RGSL1: variants seen among roughly 807,000 people sequenced by gnomAD.
RGSL1 encodes the protein regulator of G protein signaling like 1, also known as regulator of G protein signaling protein-like.
Under a neutral mutation model 124.7 loss-of-function variants are expected in RGSL1, and 97 were observed. The observed-to-expected ratio is 0.78, with a 90% CI of 0.66 to 0.92. The LOEUF is 0.92. RGSL1 is among the 40% of genes least tolerant of loss of function. The pLI is 0.00. For synonymous variants in RGSL1, 424 were observed against 438.1 expected (o/e 0.97, Z 0.40); for missense variants, 1,233 against 1,288.4 (o/e 0.96, Z 0.66).
intron 4 of RGSL1, 50 bp from the exon 5 acceptor site, chr1:182,472,346 A>T: frequency 6.7e-7 from 1 of 1,484,870 alleles, no homozygotes; most frequent in Non-Finnish European, 9.0e-7. Context: ...GCAACCACCA[A>T]AGGGGCAAAA....
At chr1:182,484,940 T>G (rs978201834) in intron 6 of RGSL1, among the ~76,000 whole-genome samples, 2 of 152,136 alleles carry the variant, frequency 1.3e-5, no homozygotes, top group Non-Finnish European at 2.9e-5. Flanking sequence ...TGCTTGCCCC[T>G]GGAGCAAGAC....
chr1:182,477,954 T>G (rs1383274517), intron 6 of RGSL1, among the ~76,000 whole-genome samples: 1 of 152,102 alleles, frequency 6.6e-6, no homozygotes, highest in Non-Finnish European at 1.5e-5. Flanking sequence ...CAAAGGAAAT[T>G]AATAACATTT....
chr1:182,508,672 GTTT>G (rs869237122), intron 9 of RGSL1, among the ~76,000 whole-genome samples: 18 of 13,996 alleles, frequency 1.3e-3, no homozygotes, highest in African/African-American at 2.3e-3. Flanking sequence ...TTGACTATTT[GTTT>G]TTTTTTTTTT....
intron 21 of RGSL1, among the ~76,000 whole-genome samples, chr1:182,558,246 TA>T (rs1375277891): frequency 6.6e-6 from 1 of 151,884 alleles, no homozygotes; most frequent in African/African-American, 2.4e-5. Context: ...CTAGTTTGAA[TA>T]AAAAATATGG....
chr1:182,493,463 ATGTT>A (rs1285956232), intron 9 of RGSL1, among the ~76,000 whole-genome samples: 1 of 152,030 alleles, frequency 6.6e-6, no homozygotes, highest in Non-Finnish European at 1.5e-5. Flanking sequence ...TTGTGAAGGG[ATGTT>A]TGTTAAGGAG....
Position 182,474,394 on chromosome 1 carries a change from TG to T in RGSL1, c.1286del (p.Gly429ValfsTer9), listed in dbSNP as rs1654118119. 6.4e-7 allele frequency: 1 copy of T among 1,551,936 alleles called. No individual in the cohort carries two copies. The highest frequency in any genetic ancestry group is 8.7e-7 in the Non-Finnish European group (1 of 1,147,040). ...GGGAATGCAATCTTTCGTCACTTGC[TG>T]GGTGACAGAATCTGCGAGCTCTACC... ...KNGNAIFRHL[L>X]GDRICELYLN... is the part of the protein sequence containing the mutation. On this transcript the variant is annotated frameshift_variant, in exon 6 of 22. Transcript: ENST00000294854. LOFTEE classifies it high-confidence loss of function.
chr1:182,460,134 G>A lies in RGSL1; in HGVS notation c.301+1G>A, dbSNP rs549854306. On this transcript the variant is annotated splice_donor_variant, in intron 4 of 21. Coordinates refer to ENST00000294854, the MANE Select transcript of RGSL1 (RefSeq NM_001137669.2). LOFTEE classifies it high-confidence loss of function. ...AGTTTCATTAAGTCCCCAGAAGGAG[G>A]TAAGCATTGGTGTGCATGCGTGTGT... 1.6e-4 allele frequency: 249 copies of A among 1,548,378 alleles called. 1 individual carries two copies. The highest frequency in any genetic ancestry group is 3.5e-6 in the Non-Finnish European group (4 of 1,146,252).
chr1:182,449,532 T>C (rs1333796761), upstream of RGSL1, among the ~76,000 whole-genome samples: 1 of 152,162 alleles, frequency 6.6e-6, no homozygotes, highest in Non-Finnish European at 1.5e-5. Context: ...TTACTTCCTA[T>C]TAGGGAAGAA....
chr1:182,503,469 G>A (rs1656555332), intron 9 of RGSL1, among the ~76,000 whole-genome samples: 1 of 151,956 alleles, frequency 6.6e-6, no homozygotes, highest in Admixed American at 6.6e-5. Context: ...AAATAAGCCA[G>A]GCACAGAAAG....
At chr1:182,558,474 A>G (rs144848041) in intron 21 of RGSL1, among the ~76,000 whole-genome samples, 8 of 152,318 alleles carry the variant, frequency 5.3e-5, no homozygotes, top group African/African-American at 1.9e-4. Flanking sequence ...CTGGGACTCA[A>G]GCTAACATCA....
intron 20 of RGSL1, 120 bp downstream of exon 20, chr1:182,554,813 G>C (rs1660771195): frequency 1.0e-6 from 1 of 987,836 alleles, no homozygotes; most frequent in African/African-American, 1.6e-5. Flanking sequence ...TTGGCATGCA[G>C]AACCTAGAAA....
rs1025815693 is a variant in RGSL1, at chr1:182,486,700, C to T, written c.1432-1585C>T. 2.0e-5 allele frequency among the ~76,000 whole-genome samples: 3 copies of T among 151,666 alleles called. No individual in the cohort carries two copies. The East Asian group carries it at 5.8e-4, about 29-fold the overall frequency. On this transcript the variant is annotated intron_variant, in intron 6 of 21. Coordinates refer to ENST00000294854, the MANE Select transcript of RGSL1 (RefSeq NM_001137669.2). ...CTTATTTATTTATTTTTTGAGACGG[C>T]GTTTCATTCTTGTCGCCCAGGCTGG... is the stretch of plus-strand genomic sequence containing the variant.
Position 182,498,346 on chromosome 1 carries a change from C to T in RGSL1, c.1825+5217C>T, listed in dbSNP as rs1041693520. On this transcript the variant is annotated intron_variant, in intron 9 of 21. Coordinates refer to ENST00000294854, the MANE Select transcript of RGSL1 (RefSeq NM_001137669.2). Reference sequence around the variant, plus strand: ...CAGGTGCATCTTCTACTTTCCCTGTCTAGCTCTAGAATCAGTCGTTTATTT... The same window carrying T: ...CAGGTGCATCTTCTACTTTCCCTGTTTAGCTCTAGAATCAGTCGTTTATTT... Among the ~76,000 whole-genome samples the T allele has an allele frequency of 3.9e-5, 6 of 152,330 alleles. 1 individual carries two copies. The South Asian group carries it at 1.2e-3, about 32-fold the overall frequency.
rs146005308 is a variant in RGSL1 at position 182,450,907 on chromosome 1, G to C, written c.13+729G>C. ...CACCCTTGTAATCCTAGTACTTTGG[G>C]AGGCTGAGGCAGGTGGATTACCTGA... On this transcript the variant is annotated intron_variant, in intron 1 of 21. Coordinates refer to ENST00000294854, the MANE Select transcript of RGSL1 (RefSeq NM_001137669.2). Among the ~76,000 whole-genome samples, 1,409 of 152,292 alleles carry C rather than the reference G, an allele frequency of 9.3e-3. 25 individuals carry two copies. The highest frequency in any genetic ancestry group is 0.031 in the African/African-American group (1,301 of 41,554).
intron 9 of RGSL1, among the ~76,000 whole-genome samples, chr1:182,508,395 G>C (rs1048196448): frequency 1.3e-5 from 2 of 148,620 alleles, no homozygotes; most frequent in African/African-American, 5.0e-5. Context: ...CGCCTCCCGG[G>C]TTCAAGTGAT....
At chr1:182,509,715 G>T (rs1274590563) in intron 9 of RGSL1, among the ~76,000 whole-genome samples, 2 of 140,826 alleles carry the variant, frequency 1.4e-5, no homozygotes, top group Non-Finnish European at 3.1e-5. Flanking sequence ...CCGGGCGGGG[G>T]GCTGACCCCC....
chr1:182,473,417 G>A (rs140342916), intron 5 of RGSL1, among the ~76,000 whole-genome samples, 158 bp from the exon 6 acceptor site: 5 of 152,108 alleles, frequency 3.3e-5, no homozygotes, highest in South Asian at 2.1e-4. Flanking sequence ...AAAATGTGTC[G>A]ACTCTATATT....
intron 9 of RGSL1, among the ~76,000 whole-genome samples, chr1:182,495,041 G>C (rs1655814939): frequency 6.6e-6 from 1 of 152,204 alleles, no homozygotes; most frequent in Admixed American, 6.5e-5. Flanking sequence ...ATCAGTTCCA[G>C]TCAAAATGAA....
chr1:182,473,985 A>G lies in RGSL1; in HGVS notation c.874A>G (p.Met292Val). 1 of 1,551,946 alleles carries G rather than the reference A, an allele frequency of 6.4e-7. No homozygotes were observed. Among genetic ancestry groups the G allele is most frequent in the Non-Finnish European group, 8.7e-7 (1 of 1,147,032 alleles). The change falls in exon 6 of 22, where the codon ATG (methionine) becomes GTG (valine). Residue 292 changes from methionine (M) to valine (V), a missense_variant. Coordinates refer to ENST00000294854, the MANE Select transcript of RGSL1 (RefSeq NM_001137669.2). ...TCPQEKVVIQ[M>V]PSLKMASSKE... The stretch of plus-strand genomic sequence containing the variant: ...TCCTCAAGAGAAGGTGGTTATACAA[A>G]TGCCTTCCCTGAAAATGGCTTCTTC...
Sources: gnomAD v4.1 joint callset for allele counts (sites outside exome capture counted in the v4.1 genomes callset) on GRCh38, gnomAD v4.1.1 for gene constraint, MANE v1.5 for transcripts, NCBI Gene and HGNC (gene_info 2026-07-23, HGNC 2026-07-21) for gene names.